Variants in PUDP observed in about 807,000 individuals in gnomAD.
The protein encoded by PUDP is pseudouridine-5'-phosphatase.
PUDP carries 8 observed loss-of-function variants against 9.4 expected under a neutral mutation model. The ratio of observed to expected loss-of-function variants is 0.85; its 90% CI spans 0.50 to 1.53. The LOEUF is 1.53. Ranked by LOEUF, PUDP falls within the 40% of genes most tolerant of loss-of-function variation. The pLI, the probability that PUDP is intolerant of heterozygous loss-of-function variation, is 0.00. For synonymous variants in PUDP, 99 were observed against 80.7 expected, an observed-to-expected ratio of 1.23 and a Z score of -1.22; for missense variants, 188 against 189.7, an observed-to-expected ratio of 0.99 and a Z score of 0.05.
chrX:7,044,821 G>C (rs971257532), downstream of PUDP, among the ~76,000 whole-genome samples: 1 of 112,879 alleles, frequency 8.9e-6, no homozygotes, highest in Non-Finnish European at 1.9e-5. Flanking sequence ...ACTGTTTCCT[G>C]TGAGTTTTCC....
intron 3 of PUDP, chrX:7,057,893 A>G (rs955476643): frequency 2.9e-5 from 23 of 787,875 alleles, no homozygotes; most frequent in Non-Finnish European, 4.2e-5. Flanking sequence ...GGTTTTCAAG[A>G]GGGAAGGAGA....
chrX:7,075,632 G>A (rs1395063881), intron 3 of PUDP, among the ~76,000 whole-genome samples: 2 of 111,744 alleles, frequency 1.8e-5, no homozygotes, highest in Admixed American at 9.5e-5. Flanking sequence ...TCACACCTAC[G>A]TAAGAAAGCT....
At chrX:6,991,934 T>C (rs976550940) in intron 1 of PUDP, among the ~76,000 whole-genome samples, 1 of 111,001 alleles carries the variant, frequency 9.0e-6, no homozygotes, top group Non-Finnish European at 1.9e-5. Context: ...GGGGAGGAAT[T>C]TGAGACTGTA....
intron 3 of PUDP, among the ~76,000 whole-genome samples, chrX:6,806,288 G>A (rs1276180294): frequency 9.0e-6 from 1 of 110,968 alleles, no homozygotes; most frequent in Admixed American, 9.6e-5. Flanking sequence ...AAAACTGGGG[G>A]GCCTTTTGAG....
At chrX:6,841,500 C>T (rs1167224464) in intron 3 of PUDP, among the ~76,000 whole-genome samples, 1 of 109,753 alleles carries the variant, frequency 9.1e-6, no homozygotes, top group Admixed American at 9.7e-5. Context: ...ACTCTGGAGG[C>T]TGAGGTGGAA....
At chrX:6,796,337 C>A (rs889188791) in intron 3 of PUDP, among the ~76,000 whole-genome samples, 27 of 111,953 alleles carry the variant, frequency 2.4e-4, no homozygotes, top group African/African-American at 8.8e-4. Context: ...TCTTTATGAG[C>A]AAGTGTTTGT....
At chrX:6,793,533 A>T (rs1165745750) in intron 3 of PUDP, among the ~76,000 whole-genome samples, 1 of 112,360 alleles carries the variant, frequency 8.9e-6, no homozygotes, top group Non-Finnish European at 1.9e-5. Flanking sequence ...TTTAAAGTAC[A>T]CATAAAAGGA....
chrX:6,929,732 G>A (rs1346354329), intron 3 of PUDP, among the ~76,000 whole-genome samples: 1 of 111,687 alleles, frequency 9.0e-6, no homozygotes, highest in Non-Finnish European at 1.9e-5. Flanking sequence ...GATGGCTGAG[G>A]GGGCTTAGAA....
At chrX:6,814,460 TG>T (rs1408740521) in intron 3 of PUDP, among the ~76,000 whole-genome samples, 1 of 109,839 alleles carries the variant, frequency 9.1e-6, no homozygotes, top group Non-Finnish European at 1.9e-5. Flanking sequence ...TTAGGAGGGG[TG>T]GGGGTTCTGT....
chrX:6,787,088 C>T (rs1925660707), intron 3 of PUDP, among the ~76,000 whole-genome samples: 1 of 108,551 alleles, frequency 9.2e-6, no homozygotes, highest in Admixed American at 1.0e-4. Context: ...ACCAGCATGT[C>T]ACTGGTTAAA....
Position 6,793,670 on chromosome X carries a change from A to G in PUDP, c.*248-87204T>C, listed in dbSNP as rs781139097. On this transcript the variant is annotated intron_variant and NMD_transcript_variant, in intron 3 of 3. Coordinates refer to the PUDP transcript ENST00000655425. ...TCCCTGCTTGGAAGGACCACCATCT[A>G]CAGTAGAGGCAGCTTGCTGCTTGGA... Among the ~76,000 whole-genome samples the G allele has an allele frequency of 6.8e-4, 76 of 111,305 alleles. 1 individual carries two copies. The highest frequency in any genetic ancestry group is 9.3e-3 in the Middle Eastern group (2 of 215).
chrX:6,889,000 G>A (rs1436361032), intron 3 of PUDP, among the ~76,000 whole-genome samples: 2 of 112,377 alleles, frequency 1.8e-5, no homozygotes, highest in South Asian at 7.4e-4. Context: ...CAAGGGAAAC[G>A]TATGATTTGG....
intron 1 of PUDP, among the ~76,000 whole-genome samples, chrX:7,042,664 G>GC (rs780614883): frequency 0.075 from 8,176 of 109,306 alleles, 249 homozygotes; most frequent in Middle Eastern, 0.15. Flanking sequence ...TTTTTTGGGG[G>GC]GGGTAGACAT....
intron 1 of PUDP, among the ~76,000 whole-genome samples, chrX:7,110,763 T>TGG (rs63164361): frequency 1.4e-4 from 15 of 106,422 alleles, no homozygotes; most frequent in South Asian, 4.3e-4. Context: ...CGGGCAGGGG[T>TGG]GGGGGTCACA....
chrX:6,864,190 T>G (rs1927045125), intron 3 of PUDP, among the ~76,000 whole-genome samples: 1 of 111,859 alleles, frequency 8.9e-6, no homozygotes, highest in Admixed American at 9.5e-5. Context: ...CCACTGGAGA[T>G]TCCTTTTGTT....
At chrX:6,910,160 C>G (rs1356140882) in intron 3 of PUDP, among the ~76,000 whole-genome samples, 1 of 112,126 alleles carries the variant, frequency 8.9e-6, no homozygotes, top group East Asian at 2.8e-4. Context: ...GCTTATCAGA[C>G]AGAAGATGAA....
Position 7,138,425 on chromosome X carries a change from T to C in PUDP, c.61+9628A>G, listed in dbSNP as rs766190987. Among the ~76,000 whole-genome samples the C allele has an allele frequency of 6.1e-4, 66 of 107,959 alleles. 1 individual carries two copies. In the Admixed American group the frequency reaches 6.5e-3, roughly 11 times the overall value. The allele number at this position is 107,959 out of a possible 115,157, so 93.7% of individuals were successfully genotyped here. On this transcript the variant is annotated intron_variant, in intron 1 of 3. Coordinates refer to ENST00000381077, the MANE Select transcript of PUDP (RefSeq NM_012080.5). ...TCTAGCTCTACTGCCCAGGCTGGAGTGCAGTGGCGTGATCTCAGCTCACTA... is the reference window on the plus strand; with the variant it reads ...TCTAGCTCTACTGCCCAGGCTGGAGCGCAGTGGCGTGATCTCAGCTCACTA...
chrX:6,987,718 T>A (rs1028243376), intron 1 of PUDP, among the ~76,000 whole-genome samples: 6 of 112,200 alleles, frequency 5.3e-5, no homozygotes, highest in African/African-American at 1.6e-4. Flanking sequence ...CTGCTGCAGC[T>A]GCAGAATTGA....
intron 3 of PUDP, among the ~76,000 whole-genome samples, chrX:6,974,949 T>C (rs1427032284): frequency 9.1e-6 from 1 of 109,583 alleles, no homozygotes; most frequent in Non-Finnish European, 1.9e-5. Context: ...TCACACTTTA[T>C]TTCATTAAGT....
Sources: allele counts gnomAD v4.1 joint callset (sites outside exome capture counted in the v4.1 genomes callset), GRCh38; gene constraint gnomAD v4.1.1; transcripts MANE v1.5; gene names NCBI Gene and HGNC (gene_info 2026-07-23, HGNC 2026-07-21).